Variants in ACSS3 observed in about 807,000 individuals in gnomAD.
ACSS3 encodes the protein acyl-CoA synthetase short chain family member 3, also known as acyl-CoA synthetase short-chain family member 3, mitochondrial.
A neutral mutation model predicts 84.2 loss-of-function variants in ACSS3; 64 were observed. The ratio of observed to expected loss-of-function variants is 0.76; its 90% CI spans 0.62 to 0.94. The LOEUF is 0.94. Among genes scored for constraint, ACSS3 ranks in the 40% least tolerant of loss-of-function variants. The pLI, the probability that ACSS3 is intolerant of heterozygous loss-of-function variation, is 0.00. For synonymous variants in ACSS3, 317 were observed against 310.1 expected, an observed-to-expected ratio of 1.02 and a Z score of -0.23; for missense variants, 815 against 867.6, an observed-to-expected ratio of 0.94 and a Z score of 0.76.
At chr12:81,145,711 T>C (rs962588384) in intron 5 of ACSS3, among the ~76,000 whole-genome samples, 1 of 152,144 alleles carries the variant, frequency 6.6e-6, no homozygotes, top group African/African-American at 2.4e-5. Context: ...AGAAGGATGG[T>C]TGGAGGCTAG....
At chr12:81,233,897 T>G (rs2033546382) in intron 13 of ACSS3, among the ~76,000 whole-genome samples, 2 of 151,522 alleles carry the variant, frequency 1.3e-5, no homozygotes, top group African/African-American at 4.8e-5. Flanking sequence ...CCAGAAGAGG[T>G]TTTTTAAAAT....
chr12:81,224,574 AT>A (rs1565730464), intron 11 of ACSS3, among the ~76,000 whole-genome samples: 1 of 71,890 alleles, frequency 1.4e-5, no homozygotes, highest in African/African-American at 5.0e-5. Context: ...ACACACACAC[AT>A]GTGTGTGTGT....
chr12:81,167,326 A>G (rs932580234), intron 7 of ACSS3, among the ~76,000 whole-genome samples: 2 of 152,204 alleles, frequency 1.3e-5, no homozygotes, highest in African/African-American at 4.8e-5. Flanking sequence ...AGAAGAACCA[A>G]ACCAAAAGGA....
At chr12:81,133,372 T>A (rs1230079438) in intron 2 of ACSS3, among the ~76,000 whole-genome samples, 4 of 152,170 alleles carry the variant, frequency 2.6e-5, no homozygotes, top group Non-Finnish European at 5.9e-5. Flanking sequence ...GTCCTTCCAA[T>A]TGCCCACCAT....
chr12:81,125,914 A>G (rs1885061529), intron 2 of ACSS3: 1 of 152,154 alleles, frequency 6.6e-6, no homozygotes, highest in East Asian at 1.9e-4. Context: ...TTTTACCCCT[A>G]TTACGCAATA....
At chr12:81,158,624 A>G (rs955255431) in intron 7 of ACSS3, among the ~76,000 whole-genome samples, 6 of 152,044 alleles carry the variant, frequency 3.9e-5, no homozygotes, top group African/African-American at 1.2e-4. Context: ...CCAAGGTACA[A>G]CGTGCTCCTG....
intron 2 of ACSS3, 64 bp downstream of exon 2, chr12:81,109,768 A>G: frequency 7.6e-7 from 1 of 1,315,250 alleles, no homozygotes; most frequent in Non-Finnish European, 1.0e-6. Flanking sequence ...AATAGCATAC[A>G]TTCTCATTGT....
At chr12:81,214,914 T>A (rs555672407) in intron 9 of ACSS3, among the ~76,000 whole-genome samples, 1 of 152,316 alleles carries the variant, frequency 6.6e-6, no homozygotes, top group South Asian at 2.1e-4. Context: ...AACAAAAGCA[T>A]CTTGAAGGTG....
rs370743126 is a variant in ACSS3 at position 81,137,579 on chromosome 12, A to G, written c.646-1552A>G. On this transcript the variant is annotated intron_variant, in intron 3 of 15. Transcript: ENST00000548058. ...TTTTATTTTAACAGAAGAAGATGGA[A>G]AGGATGTATTCTAACAAGTCAGTCT... 3.0e-4 allele frequency among the ~76,000 whole-genome samples: 45 copies of G among 152,326 alleles called. 1 individual carries two copies. Among genetic ancestry groups the G allele is most frequent in the African/African-American group, 1.1e-3 (45 of 41,574 alleles).
intron 1 of ACSS3, chr12:81,094,377 G>A (rs1881886849): frequency 6.6e-6 from 1 of 152,134 alleles, no homozygotes; most frequent in Non-Finnish European, 1.5e-5. Context: ...TGAATTCTGT[G>A]AAATCTTAGT....
intron 1 of ACSS3, among the ~76,000 whole-genome samples, chr12:81,099,203 G>A (rs983031110): frequency 6.6e-6 from 1 of 151,654 alleles, no homozygotes; most frequent in Non-Finnish European, 1.5e-5. Flanking sequence ...CAATATGTTG[G>A]CTTTGGTTGA....
chr12:81,196,050 G>A (rs1446161711), intron 8 of ACSS3, among the ~76,000 whole-genome samples: 4 of 152,122 alleles, frequency 2.6e-5, no homozygotes, highest in Non-Finnish European at 5.9e-5. Flanking sequence ...AAAACATTAA[G>A]TAATAGATTG....
chr12:81,090,930 C>A (rs1472374318), intron 1 of ACSS3, among the ~76,000 whole-genome samples: 1 of 152,034 alleles, frequency 6.6e-6, no homozygotes, highest in Non-Finnish European at 1.5e-5. Flanking sequence ...TTGCATATAA[C>A]CTATGCACAT....
intron 8 of ACSS3, among the ~76,000 whole-genome samples, chr12:81,175,325 T>C (rs2030393940): frequency 6.6e-6 from 1 of 152,114 alleles, no homozygotes. Context: ...TTTGAATGCA[T>C]GTATACAGAT....
At position 81,093,769 on chromosome 12, in the gene ACSS3, A is replaced by G. The variant is rs111632580; in HGVS notation, c.311+15338A>G. On this transcript the variant is annotated intron_variant, in intron 1 of 15. Transcript: ENST00000548058. The stretch of plus-strand genomic sequence containing the variant: ...TTGGCATAATGCAATGAACTAAGCT[A>G]TAGGTCTTATTCAGATTCACCAGTT... Among the ~76,000 whole-genome samples the G allele has an allele frequency of 6.3e-3, 954 of 152,262 alleles. 7 individuals carry two copies. The highest frequency in any genetic ancestry group is 0.018 in the African/African-American group (730 of 41,560).
At chr12:81,213,806 C>CTCTTCTCTTA (rs2032737734) in intron 9 of ACSS3, among the ~76,000 whole-genome samples, 1 of 42,468 alleles carries the variant, frequency 2.4e-5, no homozygotes, top group Non-Finnish European at 6.4e-5. Context: ...CTCTTCTCTT[C>CTCTTCTCTTA]TCTTCTCTTC....
At chr12:81,253,776 T>G in intron 15 of ACSS3, 106 bp downstream of exon 15, 1 of 1,112,808 alleles carries the variant, frequency 9.0e-7, no homozygotes, top group Non-Finnish European at 1.3e-6. Flanking sequence ...ATTGCATCTC[T>G]AGAAAACACA....
intron 7 of ACSS3, 106 bp from the exon 8 acceptor site, chr12:81,174,681 GA>G: frequency 1.7e-6 from 2 of 1,180,402 alleles, no homozygotes; most frequent in Non-Finnish European, 2.3e-6. Flanking sequence ...AAGATTTGTT[GA>G]AAACCCCTTA....
At chr12:81,212,432 C>G (rs924407576) in intron 9 of ACSS3, among the ~76,000 whole-genome samples, 3 of 152,166 alleles carry the variant, frequency 2.0e-5, no homozygotes, top group Non-Finnish European at 4.4e-5. Flanking sequence ...GAGACACAGT[C>G]TAGGTGATTT....
Sources: gnomAD v4.1 joint callset for allele counts (sites outside exome capture counted in the v4.1 genomes callset) on GRCh38, gnomAD v4.1.1 for gene constraint, MANE v1.5 for transcripts, NCBI Gene and HGNC (gene_info 2026-07-23, HGNC 2026-07-21) for gene names.